SCYL2: variants seen among roughly 807,000 people sequenced by gnomAD.
SCYL2 encodes SCY1 like pseudokinase 2.
In SCYL2, 36 loss-of-function variants were observed where a neutral mutation model predicts 100.4. The observed-to-expected ratio is 0.36, with a 90% CI of 0.27 to 0.47. The LOEUF (loss-of-function observed/expected upper bound fraction) is 0.47. Ranked by LOEUF, SCYL2 falls within the 20% of genes least tolerant of loss-of-function variation. SCYL2 has a pLI of 1.00. For missense variants in SCYL2, 902 were observed against 1,083.9 expected, an observed-to-expected ratio of 0.83 and a Z score of 2.36; for synonymous variants, 330 against 359.2, an observed-to-expected ratio of 0.92 and a Z score of 0.92.
rs1952265767 is a variant in SCYL2, at chr12:100,335,645, A to G, written c.1883A>G (p.Gln628Arg). The G allele has an allele frequency of 6.2e-7, 1 of 1,608,072 alleles. No homozygotes were observed. The highest frequency in any genetic ancestry group is 1.1e-5 in the South Asian group (1 of 90,044). ...TACAGATCTTTGGATATAGGAAATC[A>G]AATGAATGTTTCTGAGGAGATGAAA... is the stretch of plus-strand genomic sequence containing the variant. Reference protein sequence around the residue: ...EQQKSLDIGNQMNVSEEMKVT... With the variant: ...EQQKSLDIGNRMNVSEEMKVT... Residue 628 changes from glutamine (Q) to arginine (R), a missense_variant, in exon 15 of 18, where the codon CAA becomes CGA. Gln to Arg is a conservative substitution (Grantham distance 43). Transcript: ENST00000360820.
At chr12:100,323,988 G>C (rs1308867803) in intron 11 of SCYL2, among the ~76,000 whole-genome samples, 1 of 152,022 alleles carries the variant, frequency 6.6e-6, no homozygotes, top group East Asian at 1.9e-4. Context: ...TTGTTGAAAA[G>C]TTTCCTTTTA....
chr12:100,288,787 T>C (rs1287830671), intron 2 of SCYL2, among the ~76,000 whole-genome samples: 2 of 150,660 alleles, frequency 1.3e-5, no homozygotes, highest in Non-Finnish European at 2.9e-5. Flanking sequence ...CAGTGAGCCA[T>C]GATTGTGCCA....
chr12:100,296,768 TC>T (rs1186048277), intron 3 of SCYL2: 1 of 151,946 alleles, frequency 6.6e-6, no homozygotes, highest in African/African-American at 2.4e-5. Flanking sequence ...ACAGTACAGT[TC>T]AACAAAAGCA....
intron 10 of SCYL2, among the ~76,000 whole-genome samples, chr12:100,322,423 T>C (rs1397369774): frequency 6.7e-6 from 1 of 148,766 alleles, no homozygotes; most frequent in Non-Finnish European, 1.5e-5. Context: ...ATTGGGATTA[T>C]GTAATACTCT....
At position 100,284,283 on chromosome 12, in the gene SCYL2, C is replaced by T; in HGVS notation, c.177+1136C>T. ...TTTGGAGCTTCTAGAACATGAGAAC[C>T]AGGCACAAATGATAGAACACCATTC... On this transcript the variant is annotated intron_variant, in intron 2 of 17. Transcript: ENST00000360820. 2.0e-5 allele frequency among the ~76,000 whole-genome samples: 3 copies of T among 152,274 alleles called. No homozygotes were observed. The South Asian group carries it at 6.2e-4, about 32-fold the overall frequency.
At chr12:100,294,360 G>A (rs2096314823) in intron 3 of SCYL2, among the ~76,000 whole-genome samples, 4 of 110,354 alleles carry the variant, frequency 3.6e-5, no homozygotes, top group Admixed American at 3.4e-4. Flanking sequence ...CCTCCCAGAC[G>A]GGGCGGCTGG....
intron 1 of SCYL2, among the ~76,000 whole-genome samples, chr12:100,271,847 T>A (rs1229019127): frequency 6.6e-6 from 1 of 152,236 alleles, no homozygotes; most frequent in Non-Finnish European, 1.5e-5. Flanking sequence ...TTTGTAGTCA[T>A]GTTATTTGAA....
rs1269028299 is a variant in SCYL2 at position 100,338,537 on chromosome 12, T to C, written c.2155T>C (p.Leu719=). 6.2e-7 allele frequency: 1 copy of C among 1,600,644 alleles called. No homozygotes were observed. The highest frequency in any genetic ancestry group is 1.1e-5 in the South Asian group (1 of 88,900). The part of the protein sequence containing the change: ...PVATVKQTKD[L]TDTLMDNMSS... ...CTCTCATATTTTTCAGACTAAGGAC[T>C]TGACAGACACACTGATGGATAATAT... Residue 719 remains leucine (L), a synonymous_variant, in exon 18 of 18, where the codon TTG becomes CTG. Coordinates refer to ENST00000360820, the MANE Select transcript of SCYL2 (RefSeq NM_017988.6).
chr12:100,338,965 A>G lies in SCYL2; in HGVS notation c.2583A>G (p.Pro861=), dbSNP rs983898069. The change falls in exon 18 of 18, where the codon CCA becomes CCG. Residue 861 remains proline (P), a synonymous_variant. Transcript: ENST00000360820. ...TGAACCAGTTATCACAACAGAAACC[A>G]AATCAGTGGCTTAATCAGTTTGTAC... ...VSMNQLSQQK[P]NQWLNQFVPP... is the part of the protein sequence containing the mutation. 6.2e-7 allele frequency: 1 copy of G among 1,614,176 alleles called. No homozygotes were observed.
intron 11 of SCYL2, 36 bp from the exon 12 acceptor site, chr12:100,326,586 C>G: frequency 6.7e-7 from 1 of 1,487,488 alleles, no homozygotes; most frequent in Non-Finnish European, 9.0e-7. Context: ...ATTTTGAAAA[C>G]TTTTAATGAC....
At chr12:100,280,192 G>A (rs79744559) in intron 1 of SCYL2, among the ~76,000 whole-genome samples, 6,316 of 152,190 alleles carry the variant, frequency 0.042, 474 homozygotes, top group African/African-American at 0.14. Context: ...CAAGAGGGCA[G>A]ATTCACTCTT....
Position 100,301,485 on chromosome 12 carries a change from C to T in SCYL2, c.480+3310C>T, listed in dbSNP as rs144659433. ...TTTGTTGTTTATTTCATTTGATGTG[C>T]GCAAGGCTTTTAACTTGATGTGATC... On this transcript the variant is annotated intron_variant, in intron 4 of 17. Coordinates refer to ENST00000360820, the MANE Select transcript of SCYL2 (RefSeq NM_017988.6). Among the ~76,000 whole-genome samples the T allele has an allele frequency of 2.4e-4, 37 of 152,220 alleles. No individual in the cohort carries two copies. The East Asian group carries it at 6.4e-3, about 26-fold the overall frequency.
In SCYL2 at chr12:100,282,986, A is replaced by G. The variant is rs768667622; in HGVS notation, c.16A>G (p.Asn6Asp). Residue 6 changes from asparagine to aspartate, a missense_variant, in exon 2 of 18, where the codon AAT becomes GAT. Transcript: ENST00000360820. The stretch of plus-strand genomic sequence containing the variant: ...TATTGCAGCCATGGAGTCCATGCTT[A>G]ATAAATTGAAGAGTACTGTTACAAA... MESMLNKLKSTVTKVT... is the reference protein window; with the variant it reads MESMLDKLKSTVTKVT... 11 of 1,603,464 alleles carry G rather than the reference A, an allele frequency of 6.9e-6. No homozygotes were observed. The highest frequency in any genetic ancestry group is 9.4e-6 in the Non-Finnish European group (11 of 1,175,678).
At chr12:100,326,467 T>G (rs188140048) in intron 11 of SCYL2, among the ~76,000 whole-genome samples, 155 bp from the exon 12 acceptor site, 66 of 152,278 alleles carry the variant, frequency 4.3e-4, no homozygotes, top group Admixed American at 7.8e-4. Context: ...AGTAAATAAG[T>G]GAATTTCCTA....
chr12:100,300,827 T>A (rs2096326663), intron 4 of SCYL2, among the ~76,000 whole-genome samples: 2 of 152,188 alleles, frequency 1.3e-5, no homozygotes, highest in Non-Finnish European at 2.9e-5. Flanking sequence ...AATGACAAGA[T>A]CTCCTTTTTT....
chr12:100,339,038 A>G lies in SCYL2; in HGVS notation c.2656A>G (p.Met886Val). ...GGGCAGTTCAGTAATGGGGACACAG[A>G]TGAACGTGATAGGACAATCTGCTTT... ...TMGSSVMGTQ[M>V]NVIGQSAFGM... The change falls in exon 18 of 18, where the codon ATG (methionine) becomes GTG (valine). Residue 886 changes from methionine to valine, a missense_variant. Coordinates refer to ENST00000360820, the MANE Select transcript of SCYL2 (RefSeq NM_017988.6). 2 of 1,614,158 alleles carry G rather than the reference A, an allele frequency of 1.2e-6. No homozygotes were observed. Among genetic ancestry groups the G allele is most frequent in the South Asian group, 2.2e-5 (2 of 91,090 alleles).
intron 6 of SCYL2, 77 bp downstream of exon 6, chr12:100,312,730 A>G: frequency 7.0e-6 from 7 of 1,003,636 alleles, no homozygotes; most frequent in Middle Eastern, 2.6e-4. Context: ...AAATGTGTTC[A>G]GGAAATTCTT....
chr12:100,269,647 G>T (rs1263278219), intron 1 of SCYL2, among the ~76,000 whole-genome samples: 1 of 152,146 alleles, frequency 6.6e-6, no homozygotes, highest in African/African-American at 2.4e-5. Context: ...ATTAGAAATA[G>T]TGTTAGGGTG....
chr12:100,341,409 G>A lies in SCYL2; in HGVS notation c.*2237G>A, dbSNP rs968515190. On this transcript the variant is annotated 3_prime_UTR_variant, in exon 18 of 18. Transcript: ENST00000360820. ...TTAGGTTAAAGAGCATCTGTCAACA[G>A]AATCTACAAAAAAGATTCCCTTGCA... The A allele has an allele frequency of 6.6e-6, 1 of 152,096 alleles. No homozygotes were observed. Among genetic ancestry groups the A allele is most frequent in the Non-Finnish European group, 1.5e-5 (1 of 67,984 alleles). The allele number at this position is 152,096 out of a possible 1,614,324, so 9.4% of individuals were successfully genotyped here. A position where few individuals can be genotyped will look rare whatever the true frequency, so the allele number is the denominator to read the frequency against.
Sources: gnomAD v4.1 joint callset for allele counts (sites outside exome capture counted in the v4.1 genomes callset) on GRCh38, gnomAD v4.1.1 for gene constraint, MANE v1.5 for transcripts, NCBI Gene and HGNC (gene_info 2026-07-23, HGNC 2026-07-21) for gene names.